The following SIPA1L3 variants were observed in gnomAD, a reference collection of about 807,000 sequenced individuals.
SIPA1L3 encodes the protein signal-induced proliferation-associated 1-like protein 3.
A neutral mutation model predicts 150.1 loss-of-function variants in SIPA1L3; 59 were observed. The observed-to-expected ratio is 0.39, with a 90% confidence interval of 0.32 to 0.49. SIPA1L3 has a LOEUF of 0.49. SIPA1L3 is among the 20% of genes least tolerant of loss of function. SIPA1L3 has a pLI of 0.86. For synonymous variants in SIPA1L3, 1,070 were observed against 1,077.6 expected (o/e 0.99, Z 0.14); for missense variants, 2,211 against 2,489.5 (o/e 0.89, Z 2.38).
chr19:38,027,945 G>A (rs1233204153), intron 1 of SIPA1L3, among the ~76,000 whole-genome samples: 2 of 152,072 alleles, frequency 1.3e-5, no homozygotes, highest in Non-Finnish European at 2.9e-5. Context: ...TGGGTGATCG[G>A]GAGAGTGAAA....
intron 2 of SIPA1L3, among the ~76,000 whole-genome samples, chr19:38,076,305 A>G (rs942493558): frequency 9.9e-5 from 15 of 152,228 alleles, no homozygotes; most frequent in Admixed American, 3.9e-4. Flanking sequence ...AAAATTTATC[A>G]AAACTTACAC....
chr19:38,015,723 A>G (rs1409597618), intron 1 of SIPA1L3, among the ~76,000 whole-genome samples: 10 of 41,318 alleles, frequency 2.4e-4, no homozygotes, highest in African/African-American at 2.3e-3. Context: ...GATCCTGTTA[A>G]AAAAAAAAAA....
chr19:38,115,968 C>T lies in SIPA1L3; in HGVS notation c.2292-3338C>T, dbSNP rs571848072. 2.6e-5 allele frequency among the ~76,000 whole-genome samples: 4 copies of T among 152,184 alleles called. No homozygotes were observed. The East Asian group carries it at 7.7e-4, about 29-fold the overall frequency. ...AAATGGATGAGTGTCGCACTGTCGC[C>T]CTTGTCTAGAGTTGGGGGTAAGGGG... On this transcript the variant is annotated intron_variant, in intron 8 of 21. Transcript: ENST00000222345.
chr19:37,913,097 T>C (rs2046389526), intron 1 of SIPA1L3, among the ~76,000 whole-genome samples: 1 of 152,098 alleles, frequency 6.6e-6, no homozygotes, highest in Non-Finnish European at 1.5e-5. Context: ...GCCACTAACT[T>C]GTAAGATGTG....
rs116962738 is a variant in SIPA1L3 at position 37,954,083 on chromosome 19, T to C, written c.-379+46725T>C. On this transcript the variant is annotated intron_variant, in intron 1 of 21. Transcript: ENST00000222345. The stretch of plus-strand genomic sequence containing the variant: ...TGAAATATTTTATGATGTGGTTAGA[T>C]AAAAAAAAGTTTTTACTACCTTATT... Among the ~76,000 whole-genome samples, 1,320 of 152,032 alleles carry C rather than the reference T, an allele frequency of 8.7e-3. 9 individuals carry two copies. Among genetic ancestry groups the C allele is most frequent in the Non-Finnish European group, 0.014 (981 of 67,992 alleles).
chr19:37,942,218 G>A (rs1329946395), intron 1 of SIPA1L3, among the ~76,000 whole-genome samples: 3 of 152,106 alleles, frequency 2.0e-5, no homozygotes, highest in Non-Finnish European at 2.9e-5. Flanking sequence ...GGGGGACACA[G>A]TCAAGGAAGA....
chr19:37,987,122 T>G (rs1016138566), intron 1 of SIPA1L3, among the ~76,000 whole-genome samples: 1 of 151,976 alleles, frequency 6.6e-6, no homozygotes, highest in Admixed American at 6.6e-5. Flanking sequence ...GAGATGGGGT[T>G]TCACCATGTT....
chr19:38,125,044 T>C (rs1462782960), intron 9 of SIPA1L3, among the ~76,000 whole-genome samples: 1 of 151,162 alleles, frequency 6.6e-6, no homozygotes, highest in African/African-American at 2.4e-5. Flanking sequence ...AGGGAGCTGT[T>C]TTGTTTTTTG....
chr19:38,054,756 G>T lies in SIPA1L3; in HGVS notation c.-311+25600G>T, dbSNP rs552857140. Among the ~76,000 whole-genome samples the T allele has an allele frequency of 4.1e-5, 6 of 145,378 alleles. No individual in the cohort carries two copies. In the South Asian group the frequency reaches 8.9e-4, roughly 21 times the overall value. ...CCTTTTGTTTGGCACTAACTGGACA[G>T]CATGCCCTCCCACACAGCCGTGAAG... On this transcript the variant is annotated intron_variant, in intron 2 of 21. Coordinates refer to ENST00000222345, the MANE Select transcript of SIPA1L3 (RefSeq NM_015073.3).
intron 1 of SIPA1L3, among the ~76,000 whole-genome samples, chr19:37,969,323 G>A (rs1226278299): frequency 6.6e-6 from 1 of 152,138 alleles, no homozygotes; most frequent in African/African-American, 2.4e-5. Flanking sequence ...AGGCCAAGGC[G>A]GGCGGATCAC....
chr19:38,096,052 G>A (rs77164793), intron 4 of SIPA1L3, among the ~76,000 whole-genome samples: 1,610 of 152,262 alleles, frequency 0.011, 22 homozygotes, highest in African/African-American at 0.036. Context: ...TGATAAGAGA[G>A]ATTTGTTTGT....
chr19:37,969,223 A>AC (rs1197477690), intron 1 of SIPA1L3, among the ~76,000 whole-genome samples: 3 of 151,744 alleles, frequency 2.0e-5, no homozygotes, highest in African/African-American at 4.8e-5. Context: ...ATAAAGAGAG[A>AC]CCCCATCTCT....
At chr19:38,152,779 C>T in intron 12 of SIPA1L3, 61 bp from the exon 13 acceptor site, 1 of 1,540,140 alleles carries the variant, frequency 6.5e-7, no homozygotes, top group Non-Finnish European at 8.8e-7. Flanking sequence ...GGCTCAGGCT[C>T]AGGTGGTTTT....
intron 15 of SIPA1L3, among the ~76,000 whole-genome samples, chr19:38,167,712 GCCCC>G (rs1568588529): frequency 6.6e-6 from 1 of 152,060 alleles, no homozygotes; most frequent in African/African-American, 2.4e-5. Flanking sequence ...ACAGGTGTGT[GCCCC>G]CATGCCCAGC....
chr19:38,091,921 A>G (rs1437805254), intron 4 of SIPA1L3, among the ~76,000 whole-genome samples: 1 of 151,820 alleles, frequency 6.6e-6, no homozygotes, highest in Non-Finnish European at 1.5e-5. Context: ...AAAATTAGCT[A>G]GGCATGGTAG....
rs775849040 is a variant in SIPA1L3 at position 38,182,675 on chromosome 19, C to A, written c.4365C>A (p.His1455Gln). 1.2e-6 allele frequency: 2 copies of A among 1,614,078 alleles called. No individual in the cohort carries two copies. Among genetic ancestry groups the A allele is most frequent in the Admixed American group, 1.7e-5 (1 of 60,000 alleles). The change falls in exon 16 of 22, where the codon CAC (histidine) becomes CAA (glutamine). Residue 1455 changes from histidine to glutamine, a missense_variant. His to Gln is a conservative substitution (Grantham distance 24, BLOSUM62 0). Transcript: ENST00000222345. ...FFSKQPVRNKHPTGWKRTEEP... is the reference protein window; with the variant it reads ...FFSKQPVRNKQPTGWKRTEEP... ...CCAAGCAGCCTGTACGCAATAAGCACCCAACAGGGTGGAAGAGAACGGAGG... is the reference window on the plus strand; with the variant it reads ...CCAAGCAGCCTGTACGCAATAAGCAACCAACAGGGTGGAAGAGAACGGAGG...
chr19:38,004,549 G>A lies in SIPA1L3; in HGVS notation c.-378-24540G>A, dbSNP rs62121382. Among the ~76,000 whole-genome samples, 1,475 of 152,266 alleles carry A rather than the reference G, an allele frequency of 9.7e-3. 12 individuals carry two copies. Among genetic ancestry groups the A allele is most frequent in the Non-Finnish European group, 0.016 (1,104 of 68,012 alleles). On this transcript the variant is annotated intron_variant, in intron 1 of 21. Coordinates refer to ENST00000222345, the MANE Select transcript of SIPA1L3 (RefSeq NM_015073.3). The stretch of plus-strand genomic sequence containing the variant: ...ATCCTCAAACGTGGCTCCCCTGAAA[G>A]TTGCACACCAGCTGCCAGGACCCGC...
At chr19:37,987,680 A>G (rs1243031293) in intron 1 of SIPA1L3, among the ~76,000 whole-genome samples, 1 of 152,214 alleles carries the variant, frequency 6.6e-6, no homozygotes, top group African/African-American at 2.4e-5. Context: ...CCCCTAGGCC[A>G]GCTGGTCACT....
At chr19:37,970,136 C>T (rs1200489822) in intron 1 of SIPA1L3, among the ~76,000 whole-genome samples, 2 of 152,146 alleles carry the variant, frequency 1.3e-5, no homozygotes, top group Non-Finnish European at 2.9e-5. Context: ...TGGACTAGAG[C>T]AGGGAACAAA....
Sources: gnomAD v4.1 joint callset for allele counts (sites outside exome capture counted in the v4.1 genomes callset) on GRCh38, gnomAD v4.1.1 for gene constraint, MANE v1.5 for transcripts, NCBI Gene and HGNC (gene_info 2026-07-23, HGNC 2026-07-21) for gene names.